Variants in AIG1 observed in about 807,000 individuals in gnomAD.
AIG1 encodes androgen induced 1.
In AIG1, 23 loss-of-function variants were observed where a neutral mutation model predicts 31.4. The observed-to-expected ratio is 0.73, with a 90% CI of 0.53 to 1.04. The LOEUF is 1.04. Among genes scored for constraint, AIG1 ranks in the 50% least tolerant of loss-of-function variants. The pLI is 0.00. For synonymous variants in AIG1, 100 were observed against 110.5 expected (o/e 0.90, Z 0.60); for missense variants, 274 against 295.0 (o/e 0.93, Z 0.52).
intron 3 of AIG1, among the ~76,000 whole-genome samples, chr6:143,232,547 G>A (rs912738742): frequency 2.0e-5 from 3 of 152,174 alleles, no homozygotes; most frequent in Admixed American, 2.0e-4. Context: ...TTGCCAAGAT[G>A]CTTCTTACCC....
chr6:143,140,188 G>A (rs985327428), intron 2 of AIG1, among the ~76,000 whole-genome samples: 11 of 152,070 alleles, frequency 7.2e-5, no homozygotes, highest in Admixed American at 2.6e-4. Flanking sequence ...ACTATCACGA[G>A]AACAGCATGG....
At chr6:143,095,305 C>T (rs932782227) in intron 1 of AIG1, among the ~76,000 whole-genome samples, 1 of 151,924 alleles carries the variant, frequency 6.6e-6, no homozygotes, top group African/African-American at 2.4e-5. Flanking sequence ...AAGAAAATTA[C>T]TAGTGCAGGA....
intron 3 of AIG1, among the ~76,000 whole-genome samples, chr6:143,221,750 C>G (rs748630926): frequency 6.6e-6 from 1 of 152,142 alleles, no homozygotes; most frequent in Non-Finnish European, 1.5e-5. Context: ...ATGACTGATT[C>G]AATGCAATAA....
At chr6:143,110,515 C>T (rs1449585669) in intron 1 of AIG1, among the ~76,000 whole-genome samples, 1 of 152,198 alleles carries the variant, frequency 6.6e-6, no homozygotes, top group Non-Finnish European at 1.5e-5. Flanking sequence ...GAGGACTGCA[C>T]ATCGTTCACT....
In AIG1 at chr6:143,084,764, T is replaced by C. The variant is rs150189127; in HGVS notation, c.141+23698T>C. On this transcript the variant is annotated intron_variant, in intron 1 of 5. Transcript: ENST00000357847. Reference sequence around the variant, plus strand: ...TTTCCCTGTGTTATAGTGGACATCATTGAATAATTTATAGGCTTTCTCCTA... The same window carrying C: ...TTTCCCTGTGTTATAGTGGACATCACTGAATAATTTATAGGCTTTCTCCTA... 3.3e-3 allele frequency among the ~76,000 whole-genome samples: 495 copies of C among 152,294 alleles called. 3 individuals are homozygous for C. The highest frequency in any genetic ancestry group is 0.011 in the African/African-American group (461 of 41,572).
intron 3 of AIG1, among the ~76,000 whole-genome samples, chr6:143,241,803 C>A (rs1194126479): frequency 6.6e-6 from 1 of 152,046 alleles, no homozygotes; most frequent in Non-Finnish European, 1.5e-5. Flanking sequence ...GATAAGACAC[C>A]CCAAGTGGAA....
At chr6:143,097,623 G>A (rs1189651240) in intron 1 of AIG1, among the ~76,000 whole-genome samples, 1 of 152,034 alleles carries the variant, frequency 6.6e-6, no homozygotes, top group Non-Finnish European at 1.5e-5. Context: ...TTTCATCTTC[G>A]ATTCTCACAG....
intron 3 of AIG1, among the ~76,000 whole-genome samples, chr6:143,169,799 G>T (rs972320861): frequency 6.6e-6 from 1 of 152,100 alleles, no homozygotes; most frequent in Non-Finnish European, 1.5e-5. Flanking sequence ...AATTTGTTGA[G>T]AGTTGTTATT....
At chr6:143,142,519 T>C (rs909382842) in intron 2 of AIG1, among the ~76,000 whole-genome samples, 1 of 152,214 alleles carries the variant, frequency 6.6e-6, no homozygotes, top group African/African-American at 2.4e-5. Context: ...CCAGTGCTGG[T>C]CTGCTGCATC....
chr6:143,282,547 T>G (rs913697316), intron 3 of AIG1, among the ~76,000 whole-genome samples: 1 of 152,182 alleles, frequency 6.6e-6, no homozygotes, highest in Non-Finnish European at 1.5e-5. Flanking sequence ...ATGACTTTCT[T>G]CAGAGCTAAT....
intron 4 of AIG1, among the ~76,000 whole-genome samples, chr6:143,309,995 A>C (rs1018403875): frequency 6.6e-6 from 1 of 151,970 alleles, no homozygotes. Context: ...AAAATACATG[A>C]GACAAAACTG....
chr6:143,248,600 A>G (rs919596461), intron 3 of AIG1, among the ~76,000 whole-genome samples: 3 of 152,200 alleles, frequency 2.0e-5, no homozygotes, highest in African/African-American at 2.4e-5. Flanking sequence ...AGGGGCGGGC[A>G]TCTCCCACCC....
chr6:143,178,101 A>G (rs1788348896), intron 3 of AIG1, among the ~76,000 whole-genome samples: 1 of 152,156 alleles, frequency 6.6e-6, no homozygotes, highest in East Asian at 1.9e-4. Context: ...GATTCTGAGG[A>G]GTGCGTGCAT....
At chr6:143,156,925 A>C (rs995437833) in intron 2 of AIG1, among the ~76,000 whole-genome samples, 1 of 152,332 alleles carries the variant, frequency 6.6e-6, no homozygotes, top group East Asian at 1.9e-4. Flanking sequence ...GGATGCAGCT[A>C]AGAATGGCCA....
Position 143,168,430 on chromosome 6 carries a change from CCA to C in AIG1, c.399+3248_399+3249del, listed in dbSNP as rs369549836. On this transcript the variant is annotated intron_variant, in intron 3 of 5. Coordinates refer to ENST00000357847, the MANE Select transcript of AIG1 (RefSeq NM_016108.4). ...CCCTCCCCCCACCCCACAACAGGCC[CCA>C]GTGTGTGATGTTCTCCTTCCTGTGT... is the stretch of plus-strand genomic sequence containing the variant. Among the ~76,000 whole-genome samples the C allele has an allele frequency of 3.1e-3, 446 of 143,742 alleles. 13 individuals carry two copies. The East Asian group carries it at 0.06, about 19-fold the overall frequency. 94.3% of individuals were successfully genotyped at this position (143,742 alleles called of 152,430 possible).
In AIG1 at chr6:143,325,348, T is replaced by G. The variant is rs774832745; in HGVS notation, c.516-7934T>G. On this transcript the variant is annotated intron_variant, in intron 4 of 5. Transcript: ENST00000357847. The surrounding 1 kb of genome is among the most constrained non-coding windows in gnomAD (Gnocchi z 4.3). ...ACTCTTCCTGGGTCTCAGTCTGTCC[T>G]GATAGTTTCAACCACAATCTTCTTT... Among the ~76,000 whole-genome samples the G allele has an allele frequency of 1.3e-5, 2 of 152,228 alleles. No individual in the cohort carries two copies. Among genetic ancestry groups the G allele is most frequent in the Non-Finnish European group, 2.9e-5 (2 of 68,042 alleles).
intron 1 of AIG1, among the ~76,000 whole-genome samples, chr6:143,125,592 G>T (rs1279550818): frequency 6.6e-6 from 1 of 152,150 alleles, no homozygotes; most frequent in Admixed American, 6.6e-5. Context: ...ACCCTGGGGG[G>T]GAATTTTCTA....
intron 2 of AIG1, chr6:143,164,797 G>GA (rs1415450226): frequency 3.7e-6 from 1 of 266,984 alleles, no homozygotes; most frequent in Admixed American, 5.0e-5. Context: ...AATTAGCCCT[G>GA]AAACGGAGCT....
At chr6:143,208,378 A>G (rs1283182458) in intron 3 of AIG1, among the ~76,000 whole-genome samples, 1 of 152,214 alleles carries the variant, frequency 6.6e-6, no homozygotes, top group Admixed American at 6.5e-5. Context: ...CTTCCTGCTG[A>G]GAGCTTACAT....
Sources: gnomAD v4.1 joint callset for allele counts (sites outside exome capture counted in the v4.1 genomes callset) on GRCh38, gnomAD v4.1.1 for gene constraint, Gnocchi (gnomAD v3.1) non-coding constraint, MANE v1.5 for transcripts, NCBI Gene and HGNC (gene_info 2026-07-23, HGNC 2026-07-21) for gene names.